Variants in SNX6 observed in about 807,000 individuals in gnomAD.
The protein encoded by SNX6 is sorting nexin 6.
In SNX6, 34 loss-of-function variants were observed where a neutral mutation model predicts 63.0. The observed-to-expected ratio is 0.54, with a 90% confidence interval of 0.41 to 0.72. The LOEUF (loss-of-function observed/expected upper bound fraction) is 0.72. Among genes scored for constraint, SNX6 ranks in the 30% least tolerant of loss-of-function variants. SNX6 has a pLI of 0.00. For synonymous variants in SNX6, 170 were observed against 164.2 expected, an observed-to-expected ratio of 1.04 and a Z score of -0.27; for missense variants, 398 against 471.4, an observed-to-expected ratio of 0.84 and a Z score of 1.44.
At chr14:34,609,371 C>T (rs937939522) in intron 3 of SNX6, among the ~76,000 whole-genome samples, 1 of 150,232 alleles carries the variant, frequency 6.7e-6, no homozygotes, top group Non-Finnish European at 1.5e-5. Flanking sequence ...GTCCCAGCTA[C>T]TCTGGAGGCT....
chr14:34,584,776 A>G (rs1325171218), intron 9 of SNX6, among the ~76,000 whole-genome samples: 1 of 151,636 alleles, frequency 6.6e-6, no homozygotes, highest in Non-Finnish European at 1.5e-5. Flanking sequence ...GAGAGAGAGT[A>G]AAGTCGATTT....
intron 2 of SNX6, among the ~76,000 whole-genome samples, chr14:34,617,915 C>T (rs1170303885): frequency 4.0e-5 from 6 of 149,854 alleles, no homozygotes; most frequent in Admixed American, 3.3e-4. Flanking sequence ...AGCAAGACTG[C>T]CTCCAAAAAA....
chr14:34,594,308 CTTT>C (rs34181149), intron 7 of SNX6, among the ~76,000 whole-genome samples: 66 of 146,028 alleles, frequency 4.5e-4, no homozygotes, highest in African/African-American at 5.2e-4. Context: ...TGTCTTCAAC[CTTT>C]TTTTTTTTTT....
chr14:34,585,688 C>T (rs562110993), intron 9 of SNX6, among the ~76,000 whole-genome samples: 1 of 152,030 alleles, frequency 6.6e-6, no homozygotes, highest in African/African-American at 2.4e-5. Context: ...CTCCGCCTCC[C>T]GGGTTCAAGT....
In SNX6 at chr14:34,566,119, A is replaced by G. The variant is rs536576621; in HGVS notation, c.1167+1567T>C. ...CCTCTCTTTAAAAAAAAAGAAAAAC[A>G]ATGAACATTAGAAACCAGCTCAGGC... On this transcript the variant is annotated intron_variant, in intron 13 of 13. Coordinates refer to ENST00000362031, the MANE Select transcript of SNX6 (RefSeq NM_152233.4). Among the ~76,000 whole-genome samples the G allele has an allele frequency of 2.0e-5, 3 of 152,372 alleles. No homozygotes were observed. The East Asian group carries it at 5.8e-4, about 29-fold the overall frequency.
intron 2 of SNX6, among the ~76,000 whole-genome samples, chr14:34,610,431 C>T (rs148233516): frequency 3.4e-4 from 51 of 148,418 alleles, no homozygotes; most frequent in African/African-American, 1.2e-3. Context: ...CATCTAAGTT[C>T]AAGTGCTCTA....
intron 2 of SNX6, among the ~76,000 whole-genome samples, chr14:34,618,407 G>C (rs1455657674): frequency 6.6e-6 from 1 of 152,142 alleles, no homozygotes; most frequent in Admixed American, 6.6e-5. Flanking sequence ...CTGGAGTACA[G>C]TGGTGTGATC....
intron 10 of SNX6, among the ~76,000 whole-genome samples, chr14:34,576,165 T>G (rs1019010711): frequency 4.6e-5 from 7 of 151,910 alleles, no homozygotes; most frequent in African/African-American, 1.4e-4. Context: ...GACCTCGTGA[T>G]CTGCCCGCCT....
intron 2 of SNX6, among the ~76,000 whole-genome samples, chr14:34,610,910 T>C (rs1431975745): frequency 2.0e-5 from 3 of 152,212 alleles, no homozygotes; most frequent in African/African-American, 7.2e-5. Flanking sequence ...ATTTTAATTA[T>C]ATTGTAAATG....
In SNX6 at chr14:34,603,482, T is replaced by C. The variant is rs1211234651; in HGVS notation, c.393-11A>G. On this transcript the variant is annotated splice_polypyrimidine_tract_variant and intron_variant, in intron 5 of 13. Coordinates refer to ENST00000362031, the MANE Select transcript of SNX6 (RefSeq NM_152233.4). ...ATTGCCAAATATTCACTAGAAACAA[T>C]ATACAAAATTAAAGGTAAAAAACTC... 3 of 1,560,032 alleles carry C rather than the reference T, an allele frequency of 1.9e-6. No individual in the cohort carries two copies. Among genetic ancestry groups the C allele is most frequent in the East Asian group, 4.6e-5 (2 of 43,590 alleles).
At chr14:34,588,197 CAG>C (rs1325597693) in intron 8 of SNX6, among the ~76,000 whole-genome samples, 1 of 151,866 alleles carries the variant, frequency 6.6e-6, no homozygotes, top group East Asian at 1.9e-4. Context: ...TTAGTAGAGA[CAG>C]GGTTTCACCG....
At chr14:34,598,962 G>T (rs10130000) in intron 6 of SNX6, among the ~76,000 whole-genome samples, 4,404 of 152,214 alleles carry the variant, frequency 0.029, 183 homozygotes, top group African/African-American at 0.095. Flanking sequence ...AATGGGATTA[G>T]TCCTTATAAA....
At chr14:34,589,011 G>A (rs952062958) in intron 8 of SNX6, among the ~76,000 whole-genome samples, 41 of 152,002 alleles carry the variant, frequency 2.7e-4, no homozygotes, top group Non-Finnish European at 4.4e-4. Flanking sequence ...GCATGCATCT[G>A]TAGTCCCAGC....
intron 11 of SNX6, among the ~76,000 whole-genome samples, chr14:34,569,696 C>T (rs138631728): frequency 2.0e-5 from 3 of 152,296 alleles, no homozygotes; most frequent in African/African-American, 7.2e-5. Context: ...TAGCATGTTT[C>T]AAGTTCATCT....
chr14:34,617,031 G>A (rs992785189), intron 2 of SNX6, among the ~76,000 whole-genome samples: 2 of 152,054 alleles, frequency 1.3e-5, no homozygotes, highest in South Asian at 2.1e-4. Flanking sequence ...GCAGTGAGCC[G>A]AGATCGCACC....
chr14:34,568,890 A>G, intron 11 of SNX6: 2 of 1,206,792 alleles, frequency 1.7e-6, no homozygotes, highest in Non-Finnish European at 2.5e-6. Flanking sequence ...GACATCCCCC[A>G]TAGATCTTGG....
At chr14:34,577,065 A>T (rs1027103765) in intron 10 of SNX6, among the ~76,000 whole-genome samples, 2 of 151,886 alleles carry the variant, frequency 1.3e-5, no homozygotes, top group African/African-American at 2.4e-5. Context: ...ACAAAAAACA[A>T]AACAAAAAAA....
chr14:34,574,030 C>T (rs1418792263), intron 11 of SNX6, among the ~76,000 whole-genome samples: 1 of 151,786 alleles, frequency 6.6e-6, no homozygotes, highest in Non-Finnish European at 1.5e-5. Context: ...GGAGGACTTG[C>T]ATAGACCAAA....
chr14:34,624,792 C>T (rs1002183603), intron 2 of SNX6, among the ~76,000 whole-genome samples: 37 of 151,030 alleles, frequency 2.4e-4, no homozygotes, highest in Middle Eastern at 6.8e-3. Context: ...AAGACTCCGT[C>T]TAGGAAAAAA....
Sources: allele counts gnomAD v4.1 joint callset (sites outside exome capture counted in the v4.1 genomes callset), GRCh38; gene constraint gnomAD v4.1.1; transcripts MANE v1.5; gene names NCBI Gene and HGNC (gene_info 2026-07-23, HGNC 2026-07-21).